PHF21B: variants seen among roughly 807,000 people sequenced by gnomAD.
PHF21B encodes the protein PHD finger protein 21B.
In PHF21B, 22 loss-of-function variants were observed where a neutral mutation model predicts 62.2. The observed-to-expected ratio is 0.35, with a 90% CI of 0.25 to 0.51. PHF21B has a LOEUF of 0.51. Among genes scored for constraint, PHF21B ranks in the 20% least tolerant of loss-of-function variants. PHF21B has a pLI of 0.97. For missense variants in PHF21B, 701 were observed against 707.9 expected, an observed-to-expected ratio of 0.99 and a Z score of 0.11; for synonymous variants, 341 against 314.7, an observed-to-expected ratio of 1.08 and a Z score of -0.88.
chr22:44,933,535 G>C, intron 2 of PHF21B: 1 of 985,504 alleles, frequency 1.0e-6, no homozygotes, highest in Non-Finnish European at 1.2e-6. Flanking sequence ...AAACAGACCA[G>C]AAGTGAGCAT....
In PHF21B at chr22:44,885,469, T is replaced by C; in HGVS notation, c.1334A>G (p.Gln445Arg). ...CCGCCGGTCCCGCTCCTCCAGCTGCTGGTGCTCGTTCTGCAGCTCACTGCC... is the reference window on the plus strand; with the variant it reads ...CCGCCGGTCCCGCTCCTCCAGCTGCCGGTGCTCGTTCTGCAGCTCACTGCC... ...QRGSELQNEH[Q>R]QLEERDRRLA... Residue 445 changes from glutamine to arginine, a missense_variant, in exon 12 of 13, where the codon CAG becomes CGG. Coordinates refer to ENST00000313237, the MANE Select transcript of PHF21B (RefSeq NM_138415.5). The C allele has an allele frequency of 1.9e-6, 3 of 1,597,914 alleles. No homozygotes were observed. The highest frequency in any genetic ancestry group is 2.6e-6 in the Non-Finnish European group (3 of 1,172,782).
At chr22:44,909,341 C>T (rs1462497879) in intron 5 of PHF21B, among the ~76,000 whole-genome samples, 1 of 152,196 alleles carries the variant, frequency 6.6e-6, no homozygotes, top group Non-Finnish European at 1.5e-5. Flanking sequence ...CAAGAGAGGA[C>T]AGAAGGGTCA....
intron 5 of PHF21B, among the ~76,000 whole-genome samples, chr22:44,907,170 C>T (rs1010469893): frequency 2.6e-5 from 4 of 152,216 alleles, no homozygotes; most frequent in Non-Finnish European, 4.4e-5. Flanking sequence ...TGACAGTGGC[C>T]CCGCCCACCC....
At chr22:44,969,723 C>T (rs895756424) in intron 2 of PHF21B, among the ~76,000 whole-genome samples, 4 of 152,098 alleles carry the variant, frequency 2.6e-5, no homozygotes, top group African/African-American at 7.2e-5. Flanking sequence ...AGATGAGGTG[C>T]GTGAAAGCCT....
At chr22:44,937,882 C>T (rs886831217) in intron 2 of PHF21B, among the ~76,000 whole-genome samples, 2 of 152,258 alleles carry the variant, frequency 1.3e-5, no homozygotes, top group Admixed American at 6.5e-5. Flanking sequence ...AAAACTAATC[C>T]CTGGTGATGA....
intron 5 of PHF21B, among the ~76,000 whole-genome samples, chr22:44,911,931 C>T (rs1248816751): frequency 1.3e-5 from 2 of 152,214 alleles, no homozygotes; most frequent in African/African-American, 4.8e-5. Context: ...GGAGGCTATA[C>T]CCTGCAAAGC....
chr22:44,925,508 T>C (rs1354506492), intron 2 of PHF21B, among the ~76,000 whole-genome samples: 1 of 152,170 alleles, frequency 6.6e-6, no homozygotes, highest in African/African-American at 2.4e-5. Context: ...GCTCATGTCC[T>C]CTGAGCCAAC....
intron 3 of PHF21B, among the ~76,000 whole-genome samples, chr22:44,919,312 TC>T (rs1395528348): frequency 1.3e-5 from 2 of 152,264 alleles, no homozygotes; most frequent in Non-Finnish European, 2.9e-5. Context: ...CAGGATGGCT[TC>T]GAATGCGGCT....
chr22:44,898,047 G>A (rs1380966022), intron 5 of PHF21B, among the ~76,000 whole-genome samples: 6 of 152,122 alleles, frequency 3.9e-5, no homozygotes, highest in Non-Finnish European at 8.8e-5. Flanking sequence ...GGCTTCAAGC[G>A]ATCCTCCCAC....
intron 4 of PHF21B, 135 bp downstream of exon 4, chr22:44,916,145 T>C: frequency 1.2e-6 from 1 of 816,392 alleles, no homozygotes; most frequent in Non-Finnish European, 1.9e-6. Context: ...ATTCATTCAT[T>C]TGTCCACTTG....
At chr22:44,966,929 A>G (rs2072538763) in intron 2 of PHF21B, 1 of 152,174 alleles carries the variant, frequency 6.6e-6, no homozygotes, top group Admixed American at 6.5e-5. Context: ...CAGCCTCTCC[A>G]TCCAACTTGC....
intron 2 of PHF21B, among the ~76,000 whole-genome samples, chr22:44,946,305 A>G (rs1045978423): frequency 4.7e-5 from 7 of 149,444 alleles, no homozygotes; most frequent in Non-Finnish European, 1.0e-4. Context: ...AAACGAGGCC[A>G]GATACCCCAA....
At chr22:44,996,459 TG>T (rs1212532167) in intron 2 of PHF21B, among the ~76,000 whole-genome samples, 1 of 152,094 alleles carries the variant, frequency 6.6e-6, no homozygotes, top group African/African-American at 2.4e-5. Context: ...TCCTCCAGAC[TG>T]GGGGCGGAAA....
intron 5 of PHF21B, among the ~76,000 whole-genome samples, chr22:44,910,931 A>G (rs1391945810): frequency 1.3e-5 from 2 of 152,240 alleles, no homozygotes; most frequent in Non-Finnish European, 2.9e-5. Flanking sequence ...GATTTGTTAA[A>G]TGGCTTTCAC....
At chr22:44,965,126 G>A (rs985125163) in intron 2 of PHF21B, among the ~76,000 whole-genome samples, 5 of 152,110 alleles carry the variant, frequency 3.3e-5, no homozygotes, top group Non-Finnish European at 5.9e-5. Flanking sequence ...GACTCAACCG[G>A]CTTGAACAGC....
chr22:44,989,516 C>T (rs1315155581), intron 2 of PHF21B: 1 of 151,782 alleles, frequency 6.6e-6, no homozygotes, highest in Admixed American at 6.6e-5. Context: ...AATCAGTCCC[C>T]TGCTCACTAA....
rs3747223 is a variant in PHF21B at position 44,882,832 on chromosome 22, A to C, written c.*254T>G. 2 of 443,270 alleles carry C rather than the reference A, an allele frequency of 4.5e-6. No individual in the cohort carries two copies. Among genetic ancestry groups the C allele is most frequent in the Admixed American group, 8.1e-5 (2 of 24,636 alleles). The allele number at this position is 443,270 out of a possible 1,614,324, so 27.5% of individuals were successfully genotyped here. A position where few individuals can be genotyped will look rare whatever the true frequency, so the allele number is the denominator to read the frequency against. ...AGGCAGCCCCGAGGTGGCCGGGGGG[A>C]GACTGTGTGCCCCAGCCTGTCGTAC... is the stretch of plus-strand genomic sequence containing the variant. On this transcript the variant is annotated 3_prime_UTR_variant, in exon 13 of 13. Coordinates refer to ENST00000313237, the MANE Select transcript of PHF21B (RefSeq NM_138415.5).
At chr22:44,957,167 G>T (rs566099844) in intron 2 of PHF21B, among the ~76,000 whole-genome samples, 1 of 152,202 alleles carries the variant, frequency 6.6e-6, no homozygotes, top group African/African-American at 2.4e-5. Context: ...CCTGGCTGTG[G>T]ACCCACAGCC....
At position 44,943,004 on chromosome 22, in the gene PHF21B, C is replaced by G. The variant is rs563678944; in HGVS notation, c.121-22514G>C. ...CCCCCAGCAGGGAGGGACCCCCCCCCCCCCATCCTCAGAAGGGCTGACCAA... is the reference window on the plus strand; with the variant it reads ...CCCCCAGCAGGGAGGGACCCCCCCCGCCCCATCCTCAGAAGGGCTGACCAA... On this transcript the variant is annotated intron_variant, in intron 2 of 12. Coordinates refer to ENST00000313237, the MANE Select transcript of PHF21B (RefSeq NM_138415.5). Among the ~76,000 whole-genome samples, 162 of 151,384 alleles carry G rather than the reference C, an allele frequency of 1.1e-3. 2 individuals are homozygous for G. The highest frequency in any genetic ancestry group is 3.5e-3 in the African/African-American group (145 of 41,108).
Sources: gnomAD v4.1 joint callset for allele counts (sites outside exome capture counted in the v4.1 genomes callset) on GRCh38, gnomAD v4.1.1 for gene constraint, MANE v1.5 for transcripts, NCBI Gene and HGNC (gene_info 2026-07-23, HGNC 2026-07-21) for gene names.